The following NFATC3 variants were observed in gnomAD, a reference collection of about 807,000 sequenced individuals.
The protein encoded by NFATC3 is nuclear factor of activated T cells 3.
In NFATC3, 46 loss-of-function variants were observed where a neutral mutation model predicts 98.6. The observed-to-expected ratio is 0.47, with a 90% CI of 0.37 to 0.60. The LOEUF (loss-of-function observed/expected upper bound fraction) is 0.60. NFATC3 is among the 20% of genes least tolerant of loss of function. The pLI is 0.00. For synonymous variants in NFATC3, 512 were observed against 472.2 expected (o/e 1.08, Z -1.09); for missense variants, 1,256 against 1,295.5 (o/e 0.97, Z 0.47).
chr16:68,164,904 AAAAT>A (rs1345458618), intron 4 of NFATC3, among the ~76,000 whole-genome samples: 5 of 152,222 alleles, frequency 3.3e-5, no homozygotes, highest in East Asian at 1.9e-4. Context: ...ACAATTTAAA[AAAAT>A]AAATAAATGT....
At chr16:68,104,947 C>T (rs575526475) in intron 1 of NFATC3, among the ~76,000 whole-genome samples, 1 of 152,220 alleles carries the variant, frequency 6.6e-6, no homozygotes, top group East Asian at 1.9e-4. Flanking sequence ...AGCCACCGCA[C>T]CTGGCCTCAC....
chr16:68,123,164 G>A, intron 2 of NFATC3, 43 bp downstream of exon 2: 1 of 1,547,010 alleles, frequency 6.5e-7, no homozygotes, highest in South Asian at 1.2e-5. Flanking sequence ...TCATGTTTAT[G>A]GGTCATTGGT....
chr16:68,123,056 G>A lies in NFATC3; in HGVS notation c.1173G>A (p.Gln391=), dbSNP rs533330377. 5.6e-6 allele frequency: 9 copies of A among 1,611,276 alleles called. No homozygotes were observed. In the South Asian group the frequency reaches 7.7e-5, roughly 14 times the overall value. ...TAAAGAAAGATTCATGTGGTGATCAGTTTCTTTCAGTTCCTTCACCCTTTA... is the reference window on the plus strand; with the variant it reads ...TAAAGAAAGATTCATGTGGTGATCAATTTCTTTCAGTTCCTTCACCCTTTA... ...YPLKKDSCGD[Q]FLSVPSPFTW... The change falls in exon 2 of 10, where the codon CAG becomes CAA. Residue 391 remains glutamine (Q), a synonymous_variant. Coordinates refer to ENST00000346183, the MANE Select transcript of NFATC3 (RefSeq NM_173165.3).
At chr16:68,217,583 T>C in intron 9 of NFATC3, 1 of 1,170,160 alleles carries the variant, frequency 8.5e-7, no homozygotes, top group Non-Finnish European at 1.1e-6. Context: ...TTATTTTTGT[T>C]AATAGTATTA....
At chr16:68,164,360 C>T (rs528453878) in intron 4 of NFATC3, among the ~76,000 whole-genome samples, 12 of 152,080 alleles carry the variant, frequency 7.9e-5, no homozygotes, top group African/African-American at 1.7e-4. Flanking sequence ...AGCTTCGGCT[C>T]GGTATCAGAG....
At chr16:68,131,021 T>C (rs2037085830) in intron 3 of NFATC3, among the ~76,000 whole-genome samples, 8 of 152,200 alleles carry the variant, frequency 5.3e-5, no homozygotes, top group Admixed American at 5.2e-4. Flanking sequence ...TGTTTTTATA[T>C]CAATACTGTG....
At chr16:68,092,930 G>A (rs887185846) in intron 1 of NFATC3, among the ~76,000 whole-genome samples, 6 of 152,154 alleles carry the variant, frequency 3.9e-5, no homozygotes, top group Admixed American at 3.9e-4. Context: ...TGTGGCCAAA[G>A]TCTTGGTCTC....
Position 68,226,477 on chromosome 16 carries a change from C to T in NFATC3, c.*6C>T, listed in dbSNP as rs770486629. The T allele has an allele frequency of 3.3e-6, 5 of 1,499,564 alleles. No individual in the cohort carries two copies. The highest frequency in any genetic ancestry group is 1.5e-5 in the African/African-American group (1 of 68,330). The allele number at this position is 1,499,564 out of a possible 1,614,324, so 92.9% of individuals were successfully genotyped here. A position where few individuals can be genotyped will look rare whatever the true frequency, so the allele number is the denominator to read the frequency against. On this transcript the variant is annotated 3_prime_UTR_variant, in exon 10 of 10. Transcript: ENST00000346183. ...GAAGATCTGATGGGCTCTAACAGTGCTTACTGCAGCCTTGTGTCCACCACC... is the reference window on the plus strand; with the variant it reads ...GAAGATCTGATGGGCTCTAACAGTGTTTACTGCAGCCTTGTGTCCACCACC...
chr16:68,128,122 T>G, intron 3 of NFATC3, among the ~76,000 whole-genome samples: 1 of 152,192 alleles, frequency 6.6e-6, no homozygotes. Flanking sequence ...TGATAATCTC[T>G]TAGAACTGTG....
intron 1 of NFATC3, chr16:68,086,027 G>C (rs1199038823): frequency 4.8e-6 from 2 of 413,850 alleles, no homozygotes; most frequent in Admixed American, 9.3e-5. Context: ...ACTCCGGGAC[G>C]ATCGGGGTTT....
At chr16:68,155,512 G>C (rs1352789543) in intron 3 of NFATC3, among the ~76,000 whole-genome samples, 1 of 152,188 alleles carries the variant, frequency 6.6e-6, no homozygotes, top group Non-Finnish European at 1.5e-5. Context: ...TTATCAGCCA[G>C]GTGGTAAATC....
At chr16:68,138,544 T>C in intron 3 of NFATC3, 2 of 1,288,336 alleles carry the variant, frequency 1.6e-6, no homozygotes, top group Non-Finnish European at 2.0e-6. Context: ...TGATGTCGTC[T>C]TTGATGCACA....
rs1253764537 is a variant in NFATC3, at chr16:68,166,941, T to C, written c.1700T>C (p.Val567Ala). The change falls in exon 5 of 10, where the codon GTG (valine) becomes GCG (alanine). Residue 567 changes from valine to alanine, a missense_variant. Val to Ala is a moderately conservative substitution (Grantham distance 64, BLOSUM62 0). Around this residue, in one of 3 missense-constraint regions of NFATC3, gnomAD observed 636 missense variants for 617.3 expected, o/e 1.03. Transcript: ENST00000346183. ...AGAAAGAATACTAGAGTACGACTTGTGTTTCGTGTACACATCCCACAGCCC... is the reference window on the plus strand; with the variant it reads ...AGAAAGAATACTAGAGTACGACTTGCGTTTCGTGTACACATCCCACAGCCC... Reference protein sequence around the residue: ...IGRKNTRVRLVFRVHIPQPSG... With the variant: ...IGRKNTRVRLAFRVHIPQPSG... 2 of 1,614,166 alleles carry C rather than the reference T, an allele frequency of 1.2e-6. No homozygotes were observed. Among genetic ancestry groups the C allele is most frequent in the Non-Finnish European group, 1.7e-6 (2 of 1,180,012 alleles).
At chr16:68,181,190 C>T (rs1052336461) in intron 6 of NFATC3, among the ~76,000 whole-genome samples, 2 of 152,118 alleles carry the variant, frequency 1.3e-5, no homozygotes, top group African/African-American at 2.4e-5. Flanking sequence ...TTTTAATGAT[C>T]GCCATTCTAA....
rs759371243 is a variant in NFATC3 at position 68,174,531 on chromosome 16, T to A, written c.1915+17T>A. On this transcript the variant is annotated intron_variant, in intron 6 of 9. Coordinates refer to ENST00000346183, the MANE Select transcript of NFATC3 (RefSeq NM_173165.3). ...AAGGACAAGGTAAGTAATATATGAG[T>A]TGATTGACTTCAAACTAAGGGGCAA... 6.5e-7 allele frequency: 1 copy of A among 1,543,918 alleles called. No homozygotes were observed. The highest frequency in any genetic ancestry group is 2.3e-5 in the East Asian group (1 of 42,924).
chr16:68,174,524 A>G lies in NFATC3; in HGVS notation c.1915+10A>G, dbSNP rs868359262. ...CTTGAAAAAGGACAAGGTAAGTAAT[A>G]TATGAGTTGATTGACTTCAAACTAA... On this transcript the variant is annotated intron_variant, in intron 6 of 9. Transcript: ENST00000346183. 6.4e-6 allele frequency: 10 copies of G among 1,560,522 alleles called. No homozygotes were observed. Among genetic ancestry groups the G allele is most frequent in the Middle Eastern group, 1.7e-4 (1 of 5,886 alleles).
intron 1 of NFATC3, among the ~76,000 whole-genome samples, chr16:68,105,091 GTTTT>G (rs1171881277): frequency 1.5e-5 from 2 of 134,648 alleles, no homozygotes; most frequent in Non-Finnish European, 3.2e-5. Flanking sequence ...GACTGTGTGG[GTTTT>G]TTTTTTTTTT....
chr16:68,086,859 A>G lies in NFATC3; in HGVS notation c.103+1075A>G, dbSNP rs192037827. Reference sequence around the variant, plus strand: ...CTAGATGTCTTTTTCACTGTAGTACATAATTTATAATAGTTATGTGTTGGC... The same window carrying G: ...CTAGATGTCTTTTTCACTGTAGTACGTAATTTATAATAGTTATGTGTTGGC... On this transcript the variant is annotated intron_variant, in intron 1 of 9. Transcript: ENST00000346183. 4 of 838,076 alleles carry G rather than the reference A, an allele frequency of 4.8e-6. No individual in the cohort carries two copies. In the Admixed American group the frequency reaches 1.9e-4, roughly 39 times the overall value. The allele number at this position is 838,076 out of a possible 1,614,324, so 51.9% of individuals were successfully genotyped here.
At chr16:68,086,629 TACA>T in intron 1 of NFATC3, 2 of 985,380 alleles carry the variant, frequency 2.0e-6, no homozygotes, top group Non-Finnish European at 2.4e-6. Flanking sequence ...GTTTCCCTGT[TACA>T]TATGCATACG....
Sources: gnomAD v4.1 joint callset for allele counts (sites outside exome capture counted in the v4.1 genomes callset) on GRCh38, gnomAD v4.1.1 for gene constraint, gnomAD v4.1.1 regional missense constraint, MANE v1.5 for transcripts, NCBI Gene and HGNC (gene_info 2026-07-23, HGNC 2026-07-21) for gene names.